Variants in PIK3C2G observed in about 807,000 individuals in gnomAD.
The protein encoded by PIK3C2G is phosphatidylinositol-4-phosphate 3-kinase catalytic subunit type 2 gamma.
A neutral mutation model predicts 181.1 loss-of-function variants in PIK3C2G; 168 were observed. That is an observed-to-expected ratio of 0.93 (90% CI 0.82 to 1.05). The LOEUF (loss-of-function observed/expected upper bound fraction) is 1.05. Ranked by LOEUF, PIK3C2G falls within the 50% of genes least tolerant of loss-of-function variation. The pLI is 0.00. For missense variants in PIK3C2G, 1,869 were observed against 1,732.8 expected (o/e 1.08, Z -1.40); for synonymous variants, 573 against 592.2 (o/e 0.97, Z 0.47).
chr12:18,377,468 G>A (rs558017810), intron 13 of PIK3C2G, among the ~76,000 whole-genome samples: 18 of 152,208 alleles, frequency 1.2e-4, no homozygotes, highest in South Asian at 4.1e-4. Flanking sequence ...GATGTGTTGC[G>A]TTACAAGAAT....
chr12:18,432,842 A>G (rs944535128), intron 18 of PIK3C2G, among the ~76,000 whole-genome samples: 1 of 152,230 alleles, frequency 6.6e-6, no homozygotes, highest in Non-Finnish European at 1.5e-5. Context: ...TGAAATTAAA[A>G]TACGTTTATG....
chr12:18,477,368 T>G (rs1939106494), intron 18 of PIK3C2G, among the ~76,000 whole-genome samples: 1 of 152,086 alleles, frequency 6.6e-6, no homozygotes, highest in Non-Finnish European at 1.5e-5. Flanking sequence ...GCTTGTACAG[T>G]TACAGAGAGA....
At chr12:18,603,942 T>C (rs186705419) in intron 30 of PIK3C2G, among the ~76,000 whole-genome samples, 85 of 152,064 alleles carry the variant, frequency 5.6e-4, no homozygotes, top group African/African-American at 1.9e-3. Flanking sequence ...CACACAGGAC[T>C]TATGAAACAA....
chr12:18,667,396 T>C, the PIK3C2G span, among the ~76,000 whole-genome samples: 7 of 152,184 alleles, frequency 4.6e-5, no homozygotes, highest in South Asian at 8.3e-4. Context: ...AAAATCAAGA[T>C]TACCTGTATC....
chr12:18,344,158 T>C (rs1052049893), intron 10 of PIK3C2G, among the ~76,000 whole-genome samples: 30 of 152,248 alleles, frequency 2.0e-4, no homozygotes, highest in African/African-American at 7.2e-4. Flanking sequence ...AGGAATACTC[T>C]GAGTATCTGC....
chr12:18,352,434 G>C (rs1940307084), intron 11 of PIK3C2G, among the ~76,000 whole-genome samples: 1 of 152,174 alleles, frequency 6.6e-6, no homozygotes, highest in African/African-American at 2.4e-5. Flanking sequence ...AGGTGAGTGG[G>C]TGCAGGGGCC....
the PIK3C2G span, among the ~76,000 whole-genome samples, chr12:18,677,545 C>T: frequency 3.3e-5 from 5 of 152,090 alleles, no homozygotes; most frequent in East Asian, 9.7e-4. Flanking sequence ...AAAATGTCCC[C>T]TATGCTGTTT....
At chr12:18,699,797 G>T in the PIK3C2G span, 16 of 1,612,728 alleles carry the variant, frequency 9.9e-6, no homozygotes, top group South Asian at 1.6e-4. Flanking sequence ...AATTTACCTC[G>T]CAATTTTGAA....
rs138477275 is a variant in PIK3C2G, at chr12:18,466,561, A to G, written c.2505-21888A>G. Among the ~76,000 whole-genome samples, 22 of 152,090 alleles carry G rather than the reference A, an allele frequency of 1.4e-4. No homozygotes were observed. In the East Asian group the frequency reaches 4.0e-3, roughly 28 times the overall value. On this transcript the variant is annotated intron_variant, in intron 18 of 32. Transcript: ENST00000538779. ...AATTTTATTCATATAATTGCTTTAC[A>G]TAAGTTTAAAACATTTGTTACACAT... is the stretch of plus-strand genomic sequence containing the variant.
At chr12:18,644,413 C>T (rs1261906916) in intron 32 of PIK3C2G, among the ~76,000 whole-genome samples, 3 of 152,236 alleles carry the variant, frequency 2.0e-5, no homozygotes, top group Non-Finnish European at 4.4e-5. Flanking sequence ...TACCCTATGA[C>T]AGAATTACAT....
chr12:18,601,009 A>T (rs1947678593), intron 30 of PIK3C2G, among the ~76,000 whole-genome samples: 1 of 152,098 alleles, frequency 6.6e-6, no homozygotes, highest in Non-Finnish European at 1.5e-5. Context: ...AAGGGTGGCA[A>T]ATAAGAAATC....
chr12:18,444,778 G>A (rs377179939), intron 18 of PIK3C2G, among the ~76,000 whole-genome samples: 39 of 151,902 alleles, frequency 2.6e-4, no homozygotes, highest in African/African-American at 8.4e-4. Context: ...GAGTCCCTTC[G>A]TTTCAGCCAA....
intron 2 of PIK3C2G, 107 bp downstream of exon 2, chr12:18,282,866 T>A: frequency 1.3e-6 from 1 of 768,662 alleles, no homozygotes; most frequent in Non-Finnish European, 2.0e-6. Context: ...TAGGGAAATC[T>A]ATTCATCTTA....
At chr12:18,283,918 G>A (rs1242381785) in intron 2 of PIK3C2G, among the ~76,000 whole-genome samples, 2 of 152,130 alleles carry the variant, frequency 1.3e-5, no homozygotes, top group Admixed American at 1.3e-4. Context: ...ATCTCAGTCT[G>A]TGCCTGAGGG....
intron 10 of PIK3C2G, among the ~76,000 whole-genome samples, chr12:18,345,684 T>C (rs190113928): frequency 6.6e-6 from 1 of 152,314 alleles, no homozygotes; most frequent in East Asian, 1.9e-4. Flanking sequence ...CATGCTTTTT[T>C]AACTTATAAA....
chr12:18,412,620 TG>T (rs145957589), intron 16 of PIK3C2G, among the ~76,000 whole-genome samples: 2,815 of 152,318 alleles, frequency 0.018, 90 homozygotes, highest in African/African-American at 0.065. Context: ...TAACATAAAA[TG>T]GGTTTATTAA....
chr12:18,494,409 G>A (rs1449487306), intron 20 of PIK3C2G, among the ~76,000 whole-genome samples: 7 of 151,592 alleles, frequency 4.6e-5, no homozygotes, highest in Non-Finnish European at 1.5e-5. Context: ...GGTGGGTGTG[G>A]GTGTGTGTCT....
At position 18,636,310 on chromosome 12, in the gene PIK3C2G, G is replaced by A. The variant is rs563215819; in HGVS notation, c.4183-4119G>A. Among the ~76,000 whole-genome samples, 15 of 152,240 alleles carry A rather than the reference G, an allele frequency of 9.9e-5. No homozygotes were observed. The South Asian group carries it at 2.7e-3, about 27-fold the overall frequency. The stretch of plus-strand genomic sequence containing the variant: ...TACAATGGCACGATCTCGGCTCACC[G>A]CAACCTCTGCCTCGTGGGTTCAAAG... On this transcript the variant is annotated intron_variant, in intron 31 of 32. Coordinates refer to ENST00000538779, the MANE Select transcript of PIK3C2G (RefSeq NM_001288772.2).
intron 28 of PIK3C2G, among the ~76,000 whole-genome samples, chr12:18,564,654 G>A (rs1194460562): frequency 6.6e-6 from 1 of 151,884 alleles, no homozygotes; most frequent in Non-Finnish European, 1.5e-5. Flanking sequence ...CTGAGAGGGA[G>A]GCAAAGTCAT....
Sources: gnomAD v4.1 joint callset for allele counts (sites outside exome capture counted in the v4.1 genomes callset) on GRCh38, gnomAD v4.1.1 for gene constraint, MANE v1.5 for transcripts, NCBI Gene and HGNC (gene_info 2026-07-23, HGNC 2026-07-21) for gene names.